Variants in INPP5D observed in about 807,000 individuals in gnomAD.
INPP5D encodes the protein inositol polyphosphate-5-phosphatase D.
Under a neutral mutation model 122.9 loss-of-function variants are expected in INPP5D, and 33 were observed. The ratio of observed to expected loss-of-function variants is 0.27; its 90% CI spans 0.20 to 0.36. The LOEUF (loss-of-function observed/expected upper bound fraction) is 0.36, where lower values mean the gene tolerates loss of function less well. INPP5D is among the 10% of genes least tolerant of loss of function. The probability of loss-of-function intolerance (pLI) is 1.00; values close to 1 mark genes in which losing one functional copy is unlikely to be tolerated. For missense variants in INPP5D, 1,053 were observed against 1,412.7 expected (o/e 0.75, Z 4.08); for synonymous variants, 584 against 576.2 (o/e 1.01, Z -0.19).
At position 233,197,427 on chromosome 2, in the gene INPP5D, G is replaced by A. The variant is rs1332462278; in HGVS notation, c.2694-668G>A. Among the ~76,000 whole-genome samples, 2 of 152,178 alleles carry A rather than the reference G, an allele frequency of 1.3e-5. No individual in the cohort carries two copies. Among genetic ancestry groups the A allele is most frequent in the African/African-American group, 2.4e-5 (1 of 41,520 alleles). ...GATGTGTTCCAGAGGAACCCCTGCT[G>A]GAGTCTGCCCTGAAAATCCCCTCCT... On this transcript the variant is annotated intron_variant, in intron 24 of 26. Transcript: ENST00000445964. The surrounding 1 kb of genome is among the most constrained non-coding windows in gnomAD (Gnocchi z 4.4).
At chr2:233,137,453 C>CT (rs35819628) in intron 5 of INPP5D, among the ~76,000 whole-genome samples, 69,823 of 136,612 alleles carry the variant, frequency 0.51, 17,600 homozygotes, top group African/African-American at 0.57. Context: ...TTCCATTAAA[C>CT]TTTTTTTTTT....
chr2:233,166,058 G>A (rs1014128835), intron 13 of INPP5D, among the ~76,000 whole-genome samples: 8 of 152,110 alleles, frequency 5.3e-5, no homozygotes, highest in Admixed American at 3.9e-4. Flanking sequence ...CTGACAAACC[G>A]CAAACTGCCC....
At chr2:233,153,487 A>G (rs1371601136) in intron 9 of INPP5D, among the ~76,000 whole-genome samples, 2 of 152,168 alleles carry the variant, frequency 1.3e-5, no homozygotes, top group East Asian at 1.9e-4. Context: ...CGGAAAGGAG[A>G]TGGATAGCGA....
Position 233,163,699 on chromosome 2 carries a change from T to C in INPP5D, c.1241-8T>C. 6.2e-7 allele frequency: 1 copy of C among 1,613,722 alleles called. No individual in the cohort carries two copies. Among genetic ancestry groups the C allele is most frequent in the Non-Finnish European group, 8.5e-7 (1 of 1,179,822 alleles). ...TGACTCACTTGGTGTTGGGTTTTGCTGTTGAAGGTAACGCCCCCCCTCCCA... is the reference window on the plus strand; with the variant it reads ...TGACTCACTTGGTGTTGGGTTTTGCCGTTGAAGGTAACGCCCCCCCTCCCA... On this transcript the variant is annotated splice_region_variant and splice_polypyrimidine_tract_variant and intron_variant, in intron 11 of 26. Coordinates refer to ENST00000445964, the MANE Select transcript of INPP5D (RefSeq NM_001017915.3).
chr2:233,166,991 A>G (rs1694359700), intron 13 of INPP5D, among the ~76,000 whole-genome samples: 1 of 151,798 alleles, frequency 6.6e-6, no homozygotes, highest in African/African-American at 2.4e-5. Context: ...CTCAAAAAAA[A>G]AAAAAAGTCC....
intron 2 of INPP5D, among the ~76,000 whole-genome samples, chr2:233,113,859 T>TCA (rs1378673381): frequency 1.3e-5 from 2 of 150,936 alleles, no homozygotes; most frequent in African/African-American, 2.4e-5. Flanking sequence ...TCTGATCACA[T>TCA]CACACACACA....
chr2:233,138,624 G>A (rs1693559834), intron 5 of INPP5D, among the ~76,000 whole-genome samples: 1 of 152,170 alleles, frequency 6.6e-6, no homozygotes, highest in African/African-American at 2.4e-5. Flanking sequence ...GTACTCACAG[G>A]TTTGGCAATA....
chr2:233,147,583 G>A lies in INPP5D; in HGVS notation c.1019G>A (p.Ser340Asn). The A allele has an allele frequency of 1.4e-6, 1 of 704,250 alleles. No homozygotes were observed. The highest frequency in any genetic ancestry group is 2.6e-6 in the Non-Finnish European group (1 of 384,964). 43.6% of individuals were successfully genotyped at this position (704,250 alleles called of 1,614,324 possible). Reference sequence around the variant, plus strand: ...GATGGTTCTGAGGACAAGTTCTACAGCCACAAGAAAAGTAAGACCCCTCGT... The same window carrying A: ...GATGGTTCTGAGGACAAGTTCTACAACCACAAGAAAAGTAAGACCCCTCGT... Reference protein sequence around the residue: ...SKDGSEDKFYSHKKILQLIKS... With the variant: ...SKDGSEDKFYNHKKILQLIKS... The change falls in exon 9 of 27, where the codon AGC becomes AAC. Residue 340 changes from serine to asparagine, a missense_variant. By Grantham distance (46) the Ser-to-Asn change is conservative. Around this residue, in one of 6 missense-constraint regions of INPP5D, gnomAD observed 105 missense variants for 199.8 expected, o/e 0.53. Transcript: ENST00000445964.
chr2:233,190,013 T>C, intron 22 of INPP5D, 76 bp downstream of exon 22: 1 of 1,567,516 alleles, frequency 6.4e-7, no homozygotes, highest in Non-Finnish European at 8.6e-7. Context: ...TCAGGGGAGC[T>C]CACCTGGCAC....
intron 1 of INPP5D, among the ~76,000 whole-genome samples, chr2:233,065,562 T>A (rs1406934474): frequency 2.4e-5 from 3 of 124,488 alleles, no homozygotes; most frequent in African/African-American, 9.0e-5. Flanking sequence ...GCACCCAGCC[T>A]TTTTCTTTCT....
At chr2:233,084,358 C>T (rs957304148) in intron 2 of INPP5D, among the ~76,000 whole-genome samples, 22 of 152,254 alleles carry the variant, frequency 1.4e-4, no homozygotes, top group Non-Finnish European at 2.6e-4. Context: ...CCCAGCCACA[C>T]TCCCAGGTTT....
chr2:233,089,819 A>G (rs1691944813), intron 2 of INPP5D, among the ~76,000 whole-genome samples: 1 of 152,252 alleles, frequency 6.6e-6, no homozygotes, highest in Non-Finnish European at 1.5e-5. Flanking sequence ...GCAATTTTCA[A>G]GATTAGACTC....
intron 22 of INPP5D, among the ~76,000 whole-genome samples, chr2:233,190,226 C>A (rs959610817): frequency 6.6e-6 from 1 of 152,216 alleles, no homozygotes; most frequent in African/African-American, 2.4e-5. Context: ...CTTGACAAGA[C>A]CTTACTGTTC....
intron 5 of INPP5D, among the ~76,000 whole-genome samples, chr2:233,139,415 C>G (rs1014430434): frequency 5.3e-5 from 8 of 151,694 alleles, no homozygotes; most frequent in African/African-American, 1.9e-4. Flanking sequence ...ATTTAAAATG[C>G]AGATTCTAGA....
In INPP5D at chr2:233,128,972, C is replaced by T. The variant is rs1035804606; in HGVS notation, c.525-1536C>T. Among the ~76,000 whole-genome samples, 3 of 152,110 alleles carry T rather than the reference C, an allele frequency of 2.0e-5. No individual in the cohort carries two copies. Among genetic ancestry groups the T allele is most frequent in the Admixed American group, 2.0e-4 (3 of 15,272 alleles). ...GAGGCAGTGGATCACCTGAGGTCAG[C>T]CTGGCCAACATGGTAAAACTCCACC... On this transcript the variant is annotated intron_variant, in intron 4 of 26. Transcript: ENST00000445964. The surrounding 1 kb of genome is among the most constrained non-coding windows in gnomAD (Gnocchi z 4.5).
At chr2:233,081,553 T>C (rs1449833469) in intron 2 of INPP5D, among the ~76,000 whole-genome samples, 1 of 152,180 alleles carries the variant, frequency 6.6e-6, no homozygotes, top group African/African-American at 2.4e-5. Flanking sequence ...TCTGTCACCA[T>C]CATACTCTTG....
At position 233,158,218 on chromosome 2, in the gene INPP5D, G is replaced by A. The variant is rs560258242; in HGVS notation, c.1031-95G>A. The A allele has an allele frequency of 1.6e-5, 10 of 612,674 alleles. 1 individual carries two copies. The highest frequency in any genetic ancestry group is 9.6e-5 in the South Asian group (5 of 52,190). 38.0% of individuals were successfully genotyped at this position (612,674 alleles called of 1,614,324 possible). ...CAAACTCGGGGCTCAGCTTGGGGAC[G>A]GGAGTTGATAGTCAGGTGCCTGGAA... On this transcript the variant is annotated intron_variant, in intron 9 of 26. Transcript: ENST00000445964.
intron 4 of INPP5D, among the ~76,000 whole-genome samples, chr2:233,126,220 T>A (rs1214948445): frequency 6.6e-6 from 1 of 152,262 alleles, no homozygotes; most frequent in Non-Finnish European, 1.5e-5. Context: ...CATTAATTAA[T>A]AAGTTAGTAC....
intron 24 of INPP5D, among the ~76,000 whole-genome samples, chr2:233,196,503 G>A (rs1304111100): frequency 6.6e-6 from 1 of 152,204 alleles, no homozygotes; most frequent in African/African-American, 2.4e-5. Flanking sequence ...TGTGTCTCCT[G>A]TGGGACAGAG....
Sources: gnomAD v4.1 joint callset for allele counts (sites outside exome capture counted in the v4.1 genomes callset) on GRCh38, gnomAD v4.1.1 for gene constraint, gnomAD v4.1.1 regional missense constraint, Gnocchi (gnomAD v3.1) non-coding constraint, MANE v1.5 for transcripts, NCBI Gene and HGNC (gene_info 2026-07-23, HGNC 2026-07-21) for gene names.